CNTN5: variants seen among roughly 807,000 people sequenced by gnomAD.
CNTN5 encodes contactin-5.
In CNTN5, 77 loss-of-function variants were observed where a neutral mutation model predicts 129.1. That is an observed-to-expected ratio of 0.60 (90% CI 0.50 to 0.72). The LOEUF (loss-of-function observed/expected upper bound fraction) is 0.72, where lower values mean the gene tolerates loss of function less well. Among genes scored for constraint, CNTN5 ranks in the 30% least tolerant of loss-of-function variants. CNTN5 has a pLI of 0.00. For synonymous variants in CNTN5, 509 were observed against 465.6 expected, an observed-to-expected ratio of 1.09 and a Z score of -1.20; for missense variants, 1,478 against 1,328.8, an observed-to-expected ratio of 1.11 and a Z score of -1.75.
At position 100,340,447 on chromosome 11, in the gene CNTN5, G is replaced by A. The variant is rs1397794764; in HGVS notation, c.2731-16G>A. 1 of 1,588,086 alleles carries A rather than the reference G, an allele frequency of 6.3e-7. No homozygotes were observed. The highest frequency in any genetic ancestry group is 1.8e-5 in the Admixed American group (1 of 57,030). Reference sequence around the variant, plus strand: ...AAGCTTTAAAATTAACCTGCCATGTGATAATTTGTTGATAGGTTGGTTACT... The same window carrying A: ...AAGCTTTAAAATTAACCTGCCATGTAATAATTTGTTGATAGGTTGGTTACT... On this transcript the variant is annotated splice_polypyrimidine_tract_variant and intron_variant, in intron 21 of 24. Coordinates refer to ENST00000524871, the MANE Select transcript of CNTN5 (RefSeq NM_014361.4).
intron 1 of CNTN5, among the ~76,000 whole-genome samples, chr11:99,053,274 A>T (rs1320185478): frequency 6.6e-6 from 1 of 151,850 alleles, no homozygotes; most frequent in Non-Finnish European, 1.5e-5. Flanking sequence ...CAGTGAACTA[A>T]TTTTTTGCTG....
intron 1 of CNTN5, among the ~76,000 whole-genome samples, chr11:99,126,213 TAATC>T (rs1355249881): frequency 3.3e-5 from 5 of 152,236 alleles, no homozygotes; most frequent in Non-Finnish European, 7.3e-5. Context: ...ATCTTCTAAT[TAATC>T]TATTAGTGCC....
chr11:99,178,004 G>GA (rs78379399), intron 1 of CNTN5, among the ~76,000 whole-genome samples: 15,073 of 151,958 alleles, frequency 0.099, 1,301 homozygotes, highest in East Asian at 0.4. Flanking sequence ...ATCTTGGGGA[G>GA]AAAAATCAGA....
intron 6 of CNTN5, among the ~76,000 whole-genome samples, chr11:99,856,386 T>G (rs1400749391): frequency 6.6e-6 from 1 of 152,166 alleles, no homozygotes; most frequent in Non-Finnish European, 1.5e-5. Flanking sequence ...CACCTTATCT[T>G]TCACAACTTT....
At chr11:99,644,570 T>TA (rs1177794256) in intron 3 of CNTN5, among the ~76,000 whole-genome samples, 1 of 152,142 alleles carries the variant, frequency 6.6e-6, no homozygotes, top group Non-Finnish European at 1.5e-5. Flanking sequence ...ATCAATATTG[T>TA]AAAAAAATCC....
At chr11:99,129,614 C>A (rs1487439100) in intron 1 of CNTN5, among the ~76,000 whole-genome samples, 10 of 151,904 alleles carry the variant, frequency 6.6e-5, no homozygotes, top group Non-Finnish European at 1.5e-4. Context: ...TCCAGAGAAA[C>A]CCAGTAAGAT....
chr11:99,206,721 C>T (rs1859505368), intron 1 of CNTN5, among the ~76,000 whole-genome samples: 1 of 152,052 alleles, frequency 6.6e-6, no homozygotes, highest in South Asian at 2.1e-4. Context: ...CTTGTTGAGT[C>T]TCTTTCACTG....
At chr11:99,469,594 C>G (rs1004610220) in intron 2 of CNTN5, among the ~76,000 whole-genome samples, 1 of 151,836 alleles carries the variant, frequency 6.6e-6, no homozygotes, top group Admixed American at 6.6e-5. Flanking sequence ...AGAGTATGCA[C>G]GTTGTATGCA....
chr11:99,045,385 A>G (rs2135153614), intron 1 of CNTN5, among the ~76,000 whole-genome samples: 1 of 152,348 alleles, frequency 6.6e-6, no homozygotes, highest in East Asian at 1.9e-4. Context: ...TCTCAAAGCT[A>G]ACTTAAAATT....
chr11:99,169,372 A>ACG (rs146257591), intron 1 of CNTN5, among the ~76,000 whole-genome samples: 1 of 150,996 alleles, frequency 6.6e-6, no homozygotes, highest in African/African-American at 2.4e-5. Flanking sequence ...AATAAGCTAT[A>ACG]TGTGTGTGTG....
intron 2 of CNTN5, among the ~76,000 whole-genome samples, chr11:99,513,340 C>G (rs546980339): frequency 2.0e-5 from 3 of 152,216 alleles, no homozygotes; most frequent in African/African-American, 7.2e-5. Flanking sequence ...ACAGCAAGTG[C>G]TGACATAGAA....
chr11:100,112,399 TA>T (rs1339686645), intron 13 of CNTN5, among the ~76,000 whole-genome samples: 1 of 152,178 alleles, frequency 6.6e-6, no homozygotes, highest in Non-Finnish European at 1.5e-5. Flanking sequence ...TAAACACTGA[TA>T]ATAGTAGAGA....
At chr11:99,357,905 G>A (rs1305593306) in intron 2 of CNTN5, among the ~76,000 whole-genome samples, 2 of 151,070 alleles carry the variant, frequency 1.3e-5, no homozygotes, top group Admixed American at 6.6e-5. Flanking sequence ...TCCGGAGGCC[G>A]AGGCAGGAGA....
intron 3 of CNTN5, among the ~76,000 whole-genome samples, chr11:99,601,860 C>G (rs1950321676): frequency 6.6e-6 from 1 of 152,158 alleles, no homozygotes; most frequent in African/African-American, 2.4e-5. Flanking sequence ...CACACTTCTG[C>G]ACATAAAGTT....
At chr11:100,260,183 T>A (rs1001972946) in intron 17 of CNTN5, among the ~76,000 whole-genome samples, 1 of 152,122 alleles carries the variant, frequency 6.6e-6, no homozygotes, top group Non-Finnish European at 1.5e-5. Context: ...GCAAATAAAC[T>A]AGAAAATCTA....
At chr11:99,883,168 C>G (rs1591361176) in intron 6 of CNTN5, among the ~76,000 whole-genome samples, 1 of 152,168 alleles carries the variant, frequency 6.6e-6, no homozygotes, top group East Asian at 1.9e-4. Flanking sequence ...CCAAACAGTG[C>G]TGCAACAAAC....
intron 1 of CNTN5, among the ~76,000 whole-genome samples, chr11:99,115,186 C>T (rs1857984431): frequency 1.3e-5 from 2 of 152,218 alleles, no homozygotes; most frequent in African/African-American, 4.8e-5. Flanking sequence ...TTATAGCACC[C>T]TGAATGAAGT....
At chr11:100,251,148 G>T (rs1949955114) in intron 16 of CNTN5, among the ~76,000 whole-genome samples, 1 of 152,074 alleles carries the variant, frequency 6.6e-6, no homozygotes, top group Non-Finnish European at 1.5e-5. Flanking sequence ...AGCCATTGCT[G>T]CCCCAAAACT....
chr11:99,918,000 A>AT lies in CNTN5; in HGVS notation c.673+1853dup, dbSNP rs142167942. 7.1e-3 allele frequency among the ~76,000 whole-genome samples: 1,086 copies of AT among 152,060 alleles called. 13 individuals carry two copies. Among genetic ancestry groups the AT allele is most frequent in the African/African-American group, 0.025 (1,023 of 41,518 alleles). On this transcript the variant is annotated intron_variant, in intron 7 of 24. Coordinates refer to ENST00000524871, the MANE Select transcript of CNTN5 (RefSeq NM_014361.4). ...TTATTACCACAGCTGCAGTCTCTCA[A>AT]TTGCCATATTTACAAGCTTCTTATT...
Sources: allele counts gnomAD v4.1 joint callset (sites outside exome capture counted in the v4.1 genomes callset), GRCh38; gene constraint gnomAD v4.1.1; transcripts MANE v1.5; gene names NCBI Gene and HGNC (gene_info 2026-07-23, HGNC 2026-07-21).